The following TPX2 variants were observed in gnomAD, a reference collection of about 807,000 sequenced individuals.
The protein encoded by TPX2 is TPX2 microtubule nucleation factor.
In TPX2, 21 loss-of-function variants were observed where a neutral mutation model predicts 93.6. The observed-to-expected ratio is 0.22, with a 90% CI of 0.16 to 0.32. TPX2 has a LOEUF of 0.32. TPX2 is among the 10% of genes least tolerant of loss of function. The pLI, the probability that TPX2 is intolerant of heterozygous loss-of-function variation, is 1.00. For missense variants in TPX2, 776 were observed against 871.1 expected, an observed-to-expected ratio of 0.89 and a Z score of 1.37; for synonymous variants, 281 against 298.3, an observed-to-expected ratio of 0.94 and a Z score of 0.60.
At position 31,801,381 on chromosome 20, in the gene TPX2, TAGTCTCTGTGTC is replaced by T; in HGVS notation, c.*304_*315del. Reference sequence around the variant, plus strand: ...ATGGGTCTTCACTCTGACTAGAATTTAGTCTCTGTGTCAGCACAGTGTAATCTCTATTGCTAT... The same window carrying T: ...ATGGGTCTTCACTCTGACTAGAATTTAGCACAGTGTAATCTCTATTGCTAT... On this transcript the variant is annotated 3_prime_UTR_variant, in exon 18 of 18. Coordinates refer to ENST00000300403, the MANE Select transcript of TPX2 (RefSeq NM_012112.5). 1 of 292,034 alleles carries T rather than the reference TAGTCTCTGTGTC, an allele frequency of 3.4e-6. No homozygotes were observed. Among genetic ancestry groups the T allele is most frequent in the Admixed American group, 4.6e-5 (1 of 21,794 alleles). The allele number at this position is 292,034 out of a possible 1,614,324, so 18.1% of individuals were successfully genotyped here.
chr20:31,777,771 A>G, intron 9 of TPX2, 133 bp downstream of exon 9: 1 of 950,740 alleles, frequency 1.1e-6, no homozygotes. Flanking sequence ...TGTGTAAAAT[A>G]TAACAGATCT....
rs35680390 is a variant in TPX2 at position 31,770,898 on chromosome 20, C to CT, written c.485+444dup. On this transcript the variant is annotated intron_variant, in intron 6 of 17. Transcript: ENST00000300403. ...CTTTGGTTCAGTGGCTGATTTTTAG[C>CT]TTTTTTTTTTTTTTTTTCGTACTTG... Among the ~76,000 whole-genome samples, 385 of 120,230 alleles carry CT rather than the reference C, an allele frequency of 3.2e-3. 1 individual carries two copies. The highest frequency in any genetic ancestry group is 0.01 in the South Asian group (38 of 3,654). The allele number at this position is 120,230 out of a possible 152,430, so 78.9% of individuals were successfully genotyped here. A position where few individuals can be genotyped will look rare whatever the true frequency, so the allele number is the denominator to read the frequency against.
At chr20:31,794,291 C>G (rs1337203704) in intron 14 of TPX2, 111 bp from the exon 15 acceptor site, 22 of 1,396,168 alleles carry the variant, frequency 1.6e-5, no homozygotes, top group Non-Finnish European at 2.1e-5. Flanking sequence ...TTCTTTCATG[C>G]TGCTTTGAAA....
chr20:31,756,305 A>T (rs1351991918), intron 2 of TPX2, among the ~76,000 whole-genome samples: 1 of 152,206 alleles, frequency 6.6e-6, no homozygotes, highest in African/African-American at 2.4e-5. Context: ...AACAAAGCAC[A>T]ATTGGCTTTG....
intron 2 of TPX2, among the ~76,000 whole-genome samples, chr20:31,746,432 A>G (rs2061783953): frequency 6.6e-6 from 1 of 152,356 alleles, no homozygotes; most frequent in South Asian, 2.1e-4. Flanking sequence ...TTGTGAAAGT[A>G]GGAGAGGATG....
rs892448385 is a variant in TPX2, at chr20:31,801,446, C to T, written c.*366C>T. ...CCCCTTACGACTCTCACCCTCTCCCCACTTTTTTTAAAAATTTTAACCAGA... is the reference window on the plus strand; with the variant it reads ...CCCCTTACGACTCTCACCCTCTCCCTACTTTTTTTAAAAATTTTAACCAGA... On this transcript the variant is annotated 3_prime_UTR_variant, in exon 18 of 18. Coordinates refer to ENST00000300403, the MANE Select transcript of TPX2 (RefSeq NM_012112.5). The T allele has an allele frequency of 6.0e-6, 1 of 167,434 alleles. No individual in the cohort carries two copies. Among genetic ancestry groups the T allele is most frequent in the Admixed American group, 6.3e-5 (1 of 16,000 alleles). The allele number at this position is 167,434 out of a possible 1,614,324, so 10.4% of individuals were successfully genotyped here.
At chr20:31,745,516 TG>T (rs931039405) in intron 2 of TPX2, among the ~76,000 whole-genome samples, 4 of 152,096 alleles carry the variant, frequency 2.6e-5, no homozygotes, top group African/African-American at 9.7e-5. Flanking sequence ...TTATTAGAGA[TG>T]GGGTTTTGCC....
In TPX2 at chr20:31,792,838, C is replaced by T. The variant is rs939359780; in HGVS notation, c.1509+8C>T. 4.3e-6 allele frequency: 7 copies of T among 1,612,870 alleles called. No homozygotes were observed. The African/African-American group carries it at 8.0e-5, about 18-fold the overall frequency. On this transcript the variant is annotated splice_region_variant and intron_variant, in intron 13 of 17. Coordinates refer to ENST00000300403, the MANE Select transcript of TPX2 (RefSeq NM_012112.5). The stretch of plus-strand genomic sequence containing the variant: ...CCCACCAAAGAAGATGAGGTGATTC[C>T]CTGGGAGTAGGGGGGTTCTTTTTCC...
intron 12 of TPX2, among the ~76,000 whole-genome samples, chr20:31,786,541 A>G (rs530032664): frequency 6.6e-6 from 1 of 152,112 alleles, no homozygotes; most frequent in Admixed American, 6.5e-5. Flanking sequence ...GTAGCTGGGA[A>G]TACAGGCACA....
intron 6 of TPX2, among the ~76,000 whole-genome samples, chr20:31,771,355 T>C (rs1179329767): frequency 6.6e-6 from 1 of 152,202 alleles, no homozygotes; most frequent in Non-Finnish European, 1.5e-5. Context: ...CTTATCTTGA[T>C]AGCGGTTGGC....
At chr20:31,766,234 A>T (rs140984354) in intron 4 of TPX2, among the ~76,000 whole-genome samples, 41 of 151,740 alleles carry the variant, frequency 2.7e-4, no homozygotes, top group African/African-American at 8.7e-4. Context: ...TTTGTAAGTG[A>T]TTTTTTTTCT....
chr20:31,749,916 G>C (rs2061808324), intron 2 of TPX2, among the ~76,000 whole-genome samples: 2 of 151,808 alleles, frequency 1.3e-5, no homozygotes, highest in African/African-American at 4.8e-5. Flanking sequence ...CTTATTATTT[G>C]TTTATTTTTA....
At chr20:31,782,465 C>T (rs2062039112) in intron 11 of TPX2, 75 bp downstream of exon 11, 6 of 1,515,728 alleles carry the variant, frequency 4.0e-6, no homozygotes, top group East Asian at 2.3e-5. Flanking sequence ...GTTAGGGTGA[C>T]AGTTGCTATT....
At chr20:31,785,018 C>T (rs1241157795) in intron 12 of TPX2, among the ~76,000 whole-genome samples, 1 of 152,138 alleles carries the variant, frequency 6.6e-6, no homozygotes, top group East Asian at 1.9e-4. Context: ...CAATGTATTA[C>T]CTTTGACTGA....
intron 10 of TPX2, among the ~76,000 whole-genome samples, chr20:31,779,412 G>A (rs906909195): frequency 2.6e-5 from 4 of 152,200 alleles, no homozygotes; most frequent in African/African-American, 7.2e-5. Flanking sequence ...GTATATAGAG[G>A]TAAATAAAAT....
chr20:31,769,406 C>G (rs1477846517), intron 5 of TPX2, among the ~76,000 whole-genome samples: 1 of 151,238 alleles, frequency 6.6e-6, no homozygotes, highest in Non-Finnish European at 1.5e-5. Flanking sequence ...GCAAGCTCCG[C>G]CTCCCGGGTT....
chr20:31,798,671 G>A (rs2062152783), intron 17 of TPX2, 119 bp downstream of exon 17: 1 of 1,227,896 alleles, frequency 8.1e-7, no homozygotes, highest in Non-Finnish European at 1.1e-6. Flanking sequence ...AAGACAATGA[G>A]TGAAAGGGGG....
chr20:31,770,430 T>C lies in TPX2; in HGVS notation c.444T>C (p.Pro148=). The change falls in exon 6 of 18, where the codon CCT becomes CCC. Residue 148 remains proline, a synonymous_variant. Coordinates refer to ENST00000300403, the MANE Select transcript of TPX2 (RefSeq NM_012112.5). ...VKMKAKRCAT[P]VIIDEILPSK... is the part of the protein sequence containing the mutation. ...TGAAAGCCAAGAGATGTGCCACTCC[T>C]GTAATCATCGATGAAATTCTACCCT... is the stretch of plus-strand genomic sequence containing the variant. The C allele has an allele frequency of 6.2e-7, 1 of 1,602,456 alleles. No homozygotes were observed. The highest frequency in any genetic ancestry group is 8.5e-7 in the Non-Finnish European group (1 of 1,174,806).
chr20:31,776,367 A>G (rs1350541109), intron 8 of TPX2, among the ~76,000 whole-genome samples: 1 of 152,092 alleles, frequency 6.6e-6, no homozygotes, highest in Non-Finnish European at 1.5e-5. Context: ...GGCGTGAGCC[A>G]CCGCACCCGG....
Sources: gnomAD v4.1 joint callset for allele counts (sites outside exome capture counted in the v4.1 genomes callset) on GRCh38, gnomAD v4.1.1 for gene constraint, MANE v1.5 for transcripts, NCBI Gene and HGNC (gene_info 2026-07-23, HGNC 2026-07-21) for gene names.